The following RNF4 variants were observed in gnomAD, a reference collection of about 807,000 sequenced individuals.
The protein encoded by RNF4 is ring finger protein 4, also known as E3 ubiquitin-protein ligase RNF4.
In RNF4, 7 loss-of-function variants were observed where a neutral mutation model predicts 24.3. The observed-to-expected ratio is 0.29, with a 90% CI of 0.16 to 0.54. RNF4 has a LOEUF of 0.54. Ranked by LOEUF, RNF4 falls within the 20% of genes least tolerant of loss-of-function variation. The probability of loss-of-function intolerance (pLI) is 0.95; values close to 1 mark genes in which losing one functional copy is unlikely to be tolerated. For synonymous variants in RNF4, 83 were observed against 84.3 expected, an observed-to-expected ratio of 0.98 and a Z score of 0.09; for missense variants, 209 against 248.5, an observed-to-expected ratio of 0.84 and a Z score of 1.07.
chr4:2,469,340 G>A (rs1443353973), intron 1 of RNF4, 82 bp downstream of exon 1: 1 of 152,180 alleles, frequency 6.6e-6, no homozygotes, highest in Admixed American at 6.5e-5. Flanking sequence ...TGGGGGAGCC[G>A]CGCTGCGCGG....
chr4:2,504,280 CTT>C (rs1466190448), intron 4 of RNF4, among the ~76,000 whole-genome samples: 2 of 152,070 alleles, frequency 1.3e-5, no homozygotes, highest in African/African-American at 4.8e-5. Flanking sequence ...GTGTGAGTGT[CTT>C]TGATTTTTAC....
chr4:2,512,233 G>A lies in RNF4; in HGVS notation c.215-205G>A. ...GAGAAGGCTGGTAGCTCACAGCAGGGGTTGGGGGGTTTCTCCTGGGAAGAT... is the reference window on the plus strand; with the variant it reads ...GAGAAGGCTGGTAGCTCACAGCAGGAGTTGGGGGGTTTCTCCTGGGAAGAT... On this transcript the variant is annotated intron_variant, in intron 5 of 7. Coordinates refer to ENST00000314289, the MANE Select transcript of RNF4 (RefSeq NM_002938.5). This position sits in a 1 kb window ranked among gnomAD's most constrained non-coding sequence, Gnocchi z 4.1. 1.5e-6 allele frequency: 1 copy of A among 678,968 alleles called. No homozygotes were observed. The highest frequency in any genetic ancestry group is 2.5e-6 in the Non-Finnish European group (1 of 400,410). 42.1% of individuals were successfully genotyped at this position (678,968 alleles called of 1,614,324 possible).
intron 1 of RNF4, among the ~76,000 whole-genome samples, chr4:2,474,900 G>A (rs1411271497): frequency 6.6e-6 from 1 of 152,116 alleles, no homozygotes; most frequent in East Asian, 1.9e-4. Context: ...GGTGGGGCAT[G>A]CCTGTAATCC....
chr4:2,487,528 T>C (rs1735447691), intron 1 of RNF4, among the ~76,000 whole-genome samples: 1 of 152,216 alleles, frequency 6.6e-6, no homozygotes, highest in Admixed American at 6.5e-5. Context: ...TCAAGTGATC[T>C]GCCTGCCTCA....
intron 1 of RNF4, chr4:2,479,803 G>C (rs1482303030): frequency 2.6e-5 from 4 of 152,166 alleles, no homozygotes; most frequent in Non-Finnish European, 5.9e-5. Flanking sequence ...AATTGTGACT[G>C]TTTTTACTTG....
intron 2 of RNF4, among the ~76,000 whole-genome samples, chr4:2,495,407 G>A (rs1007534603): frequency 2.0e-5 from 3 of 152,174 alleles, no homozygotes; most frequent in Non-Finnish European, 2.9e-5. Flanking sequence ...AAGGAATTGG[G>A]ATAGTAGTAG....
chr4:2,478,172 G>C (rs546402642), intron 1 of RNF4, among the ~76,000 whole-genome samples: 8 of 152,310 alleles, frequency 5.3e-5, no homozygotes, highest in African/African-American at 1.9e-4. Context: ...AGGGTATCTG[G>C]CAGAATAAAT....
intron 4 of RNF4, among the ~76,000 whole-genome samples, chr4:2,509,509 C>T (rs1026457175): frequency 7.2e-5 from 11 of 152,186 alleles, no homozygotes; most frequent in African/African-American, 2.2e-4. Flanking sequence ...TGAGCCACCG[C>T]GCCCAGCCTG....
At chr4:2,475,526 G>C (rs1210626083) in intron 1 of RNF4, among the ~76,000 whole-genome samples, 1 of 152,072 alleles carries the variant, frequency 6.6e-6, no homozygotes, top group Non-Finnish European at 1.5e-5. Flanking sequence ...TTTTAGTAGA[G>C]ATAGGGTTTC....
intron 4 of RNF4, among the ~76,000 whole-genome samples, chr4:2,510,464 C>G (rs373693216): frequency 1.3e-4 from 20 of 152,178 alleles, no homozygotes; most frequent in East Asian, 9.6e-4. Context: ...GGCCTGGGCT[C>G]AAGACATAGC....
At chr4:2,474,368 C>T (rs1456050433) in intron 1 of RNF4, among the ~76,000 whole-genome samples, 3 of 134,426 alleles carry the variant, frequency 2.2e-5, no homozygotes, top group South Asian at 2.4e-4. Context: ...GTTGACAGAA[C>T]GAGACTCTGT....
At chr4:2,474,038 G>A (rs1734993632) in intron 1 of RNF4, among the ~76,000 whole-genome samples, 1 of 151,958 alleles carries the variant, frequency 6.6e-6, no homozygotes, top group Non-Finnish European at 1.5e-5. Flanking sequence ...CCAAGATCGG[G>A]CCACTGCACT....
Position 2,469,566 on chromosome 4 carries a change from C to T in RNF4, c.-158+308C>T, listed in dbSNP as rs1734828003. The T allele has an allele frequency of 2.0e-5, 3 of 152,294 alleles. No individual in the cohort carries two copies. The South Asian group carries it at 6.2e-4, about 31-fold the overall frequency. The allele number at this position is 152,294 out of a possible 1,614,324, so 9.4% of individuals were successfully genotyped here. The stretch of plus-strand genomic sequence containing the variant: ...AGACTCTGGGAGGGGCAGGAACGCC[C>T]CCAAGGTCACTTGGAAAGTCGGGCA... On this transcript the variant is annotated intron_variant, in intron 1 of 7. Transcript: ENST00000314289.
chr4:2,498,652 T>G (rs1735809873), intron 3 of RNF4, among the ~76,000 whole-genome samples: 1 of 152,208 alleles, frequency 6.6e-6, no homozygotes, highest in African/African-American at 2.4e-5. Context: ...ATCACGGTTT[T>G]TATTCTTGTG....
Position 2,490,362 on chromosome 4 carries a change from C to A in RNF4, c.-132C>A. On this transcript the variant is annotated 5_prime_UTR_variant, in exon 2 of 8. Transcript: ENST00000314289. ...GACTTGAAAATACTGGAAATCTGTCCGGATCCAAATTATTTTGCAAGCCAG... is the reference window on the plus strand; with the variant it reads ...GACTTGAAAATACTGGAAATCTGTCAGGATCCAAATTATTTTGCAAGCCAG... The A allele has an allele frequency of 1.3e-6, 1 of 779,646 alleles. No individual in the cohort carries two copies. Among genetic ancestry groups the A allele is most frequent in the Non-Finnish European group, 2.1e-6 (1 of 483,584 alleles). The allele number at this position is 779,646 out of a possible 1,614,324, so 48.3% of individuals were successfully genotyped here.
chr4:2,475,257 C>A (rs1735033565), intron 1 of RNF4, among the ~76,000 whole-genome samples: 1 of 152,228 alleles, frequency 6.6e-6, no homozygotes, highest in Non-Finnish European at 1.5e-5. Flanking sequence ...CTTCCAACTT[C>A]TGGGTTCAAG....
chr4:2,481,717 G>GT (rs917814691), intron 1 of RNF4, among the ~76,000 whole-genome samples: 9 of 151,946 alleles, frequency 5.9e-5, no homozygotes, highest in African/African-American at 1.7e-4. Flanking sequence ...GTGTTTTTGT[G>GT]TTTTTTTAAA....
At chr4:2,488,706 G>A (rs567299664) in intron 1 of RNF4, among the ~76,000 whole-genome samples, 1 of 152,332 alleles carries the variant, frequency 6.6e-6, no homozygotes, top group East Asian at 1.9e-4. Context: ...CATTAAGGTA[G>A]GTGCAGTTCT....
At chr4:2,481,043 C>T (rs1290508181) in intron 1 of RNF4, 1 of 152,192 alleles carries the variant, frequency 6.6e-6, no homozygotes, top group African/African-American at 2.4e-5. Flanking sequence ...ATGTAATATA[C>T]ACACCTTCCA....
Sources: allele counts gnomAD v4.1 joint callset (sites outside exome capture counted in the v4.1 genomes callset), GRCh38; gene constraint gnomAD v4.1.1; non-coding constraint Gnocchi (gnomAD v3.1); transcripts MANE v1.5; gene names NCBI Gene and HGNC (gene_info 2026-07-23, HGNC 2026-07-21).